The following GALNT13 variants were observed in gnomAD, a reference collection of about 807,000 sequenced individuals.
GALNT13 encodes polypeptide N-acetylgalactosaminyltransferase 13.
GALNT13 carries 28 observed loss-of-function variants against 64.2 expected under a neutral mutation model. The observed-to-expected ratio is 0.44, with a 90% CI of 0.32 to 0.60. The LOEUF is 0.60. GALNT13 is among the 20% of genes least tolerant of loss of function. The pLI is 0.05. For missense variants in GALNT13, 577 were observed against 669.8 expected (o/e 0.86, Z 1.53); for synonymous variants, 214 against 224.6 (o/e 0.95, Z 0.42).
At chr2:154,106,974 A>G (rs1189511973) in intron 3 of GALNT13, among the ~76,000 whole-genome samples, 2 of 152,132 alleles carry the variant, frequency 1.3e-5, no homozygotes, top group Non-Finnish European at 2.9e-5. Flanking sequence ...TCCATTAGAG[A>G]GTGAGTGAGT....
intron 2 of GALNT13, among the ~76,000 whole-genome samples, chr2:153,911,345 G>A (rs1018957342): frequency 6.6e-6 from 1 of 152,074 alleles, no homozygotes; most frequent in Admixed American, 6.6e-5. Context: ...ATACCACTGA[G>A]TCTTGCTTCT....
At chr2:154,052,818 G>A (rs1699701107) in intron 3 of GALNT13, among the ~76,000 whole-genome samples, 1 of 148,732 alleles carries the variant, frequency 6.7e-6, no homozygotes, top group South Asian at 2.1e-4. Flanking sequence ...CTCACTGCAA[G>A]CTCCGCCTCC....
chr2:154,021,023 T>C (rs1271732091), intron 3 of GALNT13, among the ~76,000 whole-genome samples: 6 of 152,216 alleles, frequency 3.9e-5, no homozygotes, highest in African/African-American at 7.2e-5. Flanking sequence ...ATATGCGGCA[T>C]TATTTCTGAC....
chr2:153,358,719 T>C, the GALNT13 span, among the ~76,000 whole-genome samples: 102 of 152,284 alleles, frequency 6.7e-4, 1 homozygote, highest in African/African-American at 2.3e-3. Context: ...TATAAAACTA[T>C]ATAGGACATA....
chr2:153,276,630 C>T, the GALNT13 span, among the ~76,000 whole-genome samples: 3 of 152,138 alleles, frequency 2.0e-5, no homozygotes, highest in Non-Finnish European at 4.4e-5. Context: ...CTAACAGACA[C>T]ATTGCATATT....
chr2:154,135,152 A>G (rs1402295928), intron 3 of GALNT13, among the ~76,000 whole-genome samples: 5 of 152,120 alleles, frequency 3.3e-5, no homozygotes, highest in African/African-American at 7.2e-5. Context: ...CTGTTTTTCT[A>G]TAGTGGCTTC....
chr2:153,921,609 C>T (rs1054010859), intron 2 of GALNT13, among the ~76,000 whole-genome samples: 1 of 151,914 alleles, frequency 6.6e-6, no homozygotes, highest in African/African-American at 2.4e-5. Context: ...ACCCCTGAAC[C>T]TAACACAGAA....
the GALNT13 span, among the ~76,000 whole-genome samples, chr2:153,655,311 T>C: frequency 1.3e-4 from 20 of 152,258 alleles, no homozygotes; most frequent in African/African-American, 4.6e-4. Flanking sequence ...ATTTCATCAT[T>C]TTTAAAAATG....
chr2:153,136,949 A>G, the GALNT13 span, among the ~76,000 whole-genome samples: 1 of 151,740 alleles, frequency 6.6e-6, no homozygotes, highest in Non-Finnish European at 1.5e-5. Context: ...TGTCCTGAGG[A>G]TGTTGCTGTC....
At chr2:153,473,750 A>G in the GALNT13 span, among the ~76,000 whole-genome samples, 3 of 152,334 alleles carry the variant, frequency 2.0e-5, no homozygotes, top group Non-Finnish European at 4.4e-5. Flanking sequence ...GCCAGGGTTA[A>G]GGAAGGCTCT....
chr2:154,170,910 G>A (rs1381446973), intron 4 of GALNT13, among the ~76,000 whole-genome samples: 2 of 152,098 alleles, frequency 1.3e-5, no homozygotes, highest in Non-Finnish European at 2.9e-5. Flanking sequence ...GAACAACTTG[G>A]GTAGTTTGCT....
chr2:153,460,507 C>A, the GALNT13 span, among the ~76,000 whole-genome samples: 114 of 152,054 alleles, frequency 7.5e-4, 1 homozygote, highest in Admixed American at 2.8e-3. Context: ...ATCATTATTC[C>A]GATCTTCTTA....
At chr2:153,299,363 A>G in the GALNT13 span, among the ~76,000 whole-genome samples, 1 of 152,222 alleles carries the variant, frequency 6.6e-6, no homozygotes, top group Admixed American at 6.5e-5. Flanking sequence ...GGGGAATTGA[A>G]TGAAGAAATC....
the GALNT13 span, among the ~76,000 whole-genome samples, chr2:153,139,863 TA>T: frequency 2.6e-5 from 4 of 152,034 alleles, no homozygotes; most frequent in African/African-American, 9.7e-5. Flanking sequence ...TTGAATATAA[TA>T]AAGGATACAG....
the GALNT13 span, among the ~76,000 whole-genome samples, chr2:153,787,780 C>A: frequency 6.6e-6 from 1 of 152,142 alleles, no homozygotes; most frequent in Non-Finnish European, 1.5e-5. Context: ...AAACATACTA[C>A]AAGAATTTTG....
At chr2:154,415,179 G>C (rs1699957856) in intron 11 of GALNT13, among the ~76,000 whole-genome samples, 1 of 151,086 alleles carries the variant, frequency 6.6e-6, no homozygotes, top group Non-Finnish European at 1.5e-5. Context: ...TCATAATTAG[G>C]TAAAAATTAA....
chr2:153,090,028 G>A, the GALNT13 span, among the ~76,000 whole-genome samples: 2 of 152,044 alleles, frequency 1.3e-5, no homozygotes, highest in Non-Finnish European at 2.9e-5. Context: ...CATATTACCA[G>A]AATTACTTTT....
the GALNT13 span, among the ~76,000 whole-genome samples, chr2:153,353,139 A>G: frequency 6.6e-6 from 1 of 151,968 alleles, no homozygotes; most frequent in African/African-American, 2.4e-5. Context: ...TCTTTCATCA[A>G]TGTTTTGTGG....
the GALNT13 span, among the ~76,000 whole-genome samples, chr2:153,546,208 T>G: frequency 6.6e-6 from 1 of 152,224 alleles, no homozygotes; most frequent in African/African-American, 2.4e-5. Context: ...ATGATAGTAT[T>G]CTCGCCAATT....
Sources: gnomAD v4.1 joint callset for allele counts (sites outside exome capture counted in the v4.1 genomes callset) on GRCh38, gnomAD v4.1.1 for gene constraint, MANE v1.5 for transcripts, NCBI Gene and HGNC (gene_info 2026-07-23, HGNC 2026-07-21) for gene names.